Variants in ERI1 observed in about 807,000 individuals in gnomAD.
The protein encoded by ERI1 is 3'-5' exoribonuclease 1.
In ERI1, 39 loss-of-function variants were observed where a neutral mutation model predicts 39.7. The ratio of observed to expected loss-of-function variants is 0.98; its 90% CI spans 0.76 to 1.28. The LOEUF (loss-of-function observed/expected upper bound fraction) is 1.28. Ranked by LOEUF, ERI1 falls within the 50% of genes most tolerant of loss-of-function variation. The probability of loss-of-function intolerance (pLI) is 0.00; values close to 1 mark genes in which losing one functional copy is unlikely to be tolerated. For synonymous variants in ERI1, 204 were observed against 149.6 expected, an observed-to-expected ratio of 1.36 and a Z score of -2.65; for missense variants, 581 against 416.9, an observed-to-expected ratio of 1.39 and a Z score of -3.43.
At chr8:9,016,055 T>G (rs1817242219) in intron 3 of ERI1, among the ~76,000 whole-genome samples, 1 of 152,218 alleles carries the variant, frequency 6.6e-6, no homozygotes, top group Admixed American at 6.5e-5. Context: ...TATTAATATT[T>G]TGTTCCTCAG....
chr8:9,012,074 C>A (rs937832244), intron 3 of ERI1, among the ~76,000 whole-genome samples: 2 of 152,208 alleles, frequency 1.3e-5, no homozygotes, highest in African/African-American at 2.4e-5. Context: ...GGCCCTAGTC[C>A]CAGAGATTCT....
chr8:9,079,556 A>G (rs943929771), intron 3 of ERI1, among the ~76,000 whole-genome samples: 5 of 152,242 alleles, frequency 3.3e-5, no homozygotes, highest in Admixed American at 6.5e-5. Context: ...GTCGATCTAA[A>G]AGAAAGAAGC....
chr8:9,047,568 G>A (rs369061448), intron 3 of ERI1, among the ~76,000 whole-genome samples: 57 of 152,124 alleles, frequency 3.7e-4, no homozygotes, highest in African/African-American at 1.2e-3. Flanking sequence ...GTACACAGGT[G>A]CATATCTGCA....
At position 9,042,807 on chromosome 8, in the gene ERI1, G is replaced by A. The variant is rs908696860; in HGVS notation, n.299+22343G>A. ...CAACGAATAAATATCAATATAATAC[G>A]GATATTCCAAGATCTGAGAAGATTC... On this transcript the variant is annotated intron_variant and non_coding_transcript_variant, in intron 3 of 3. Transcript: ENST00000518663. Among the ~76,000 whole-genome samples the A allele has an allele frequency of 3.3e-5, 5 of 152,072 alleles. No individual in the cohort carries two copies. The East Asian group carries it at 7.7e-4, about 23-fold the overall frequency.
In ERI1 at chr8:9,096,374, G is replaced by C. The variant is rs145200413; in HGVS notation, n.300-19974G>C. Among the ~76,000 whole-genome samples, 85 of 152,256 alleles carry C rather than the reference G, an allele frequency of 5.6e-4. No individual in the cohort carries two copies. In the East Asian group the frequency reaches 0.011, roughly 19 times the overall value. ...TGGCCTCAAAACAAGGGGTGTCTGAGGACACCTACCCTTGGTTCTTCATCA... is the reference window on the plus strand; with the variant it reads ...TGGCCTCAAAACAAGGGGTGTCTGACGACACCTACCCTTGGTTCTTCATCA... On this transcript the variant is annotated intron_variant and non_coding_transcript_variant, in intron 3 of 3. Coordinates refer to the ERI1 transcript ENST00000518663.
At position 9,029,951 on chromosome 8, in the gene ERI1, C is replaced by T; in HGVS notation, c.967C>T (p.His323Tyr). 2 of 1,614,092 alleles carry T rather than the reference C, an allele frequency of 1.2e-6. No individual in the cohort carries two copies. The highest frequency in any genetic ancestry group is 1.7e-6 in the Non-Finnish European group (2 of 1,180,006). The change falls in exon 7 of 7, where the codon CAT (histidine) becomes TAT (tyrosine). Residue 323 changes from histidine (H) to tyrosine (Y), a missense_variant. His to Tyr is a moderately conservative substitution (Grantham distance 83). Coordinates refer to ENST00000250263, the MANE Select transcript of ERI1 (RefSeq NM_153332.4). Reference sequence around the variant, plus strand: ...TGAACTCCGAATCAACGAGAAAATGCATGCAGGACAGCTAATGAGTGTGTC... The same window carrying T: ...TGAACTCCGAATCAACGAGAAAATGTATGCAGGACAGCTAATGAGTGTGTC... The part of the protein sequence containing the change: ...GCELRINEKM[H>Y]AGQLMSVSSS...
At chr8:9,020,735 A>G (rs1390727660) in intron 6 of ERI1, among the ~76,000 whole-genome samples, 1 of 152,136 alleles carries the variant, frequency 6.6e-6, no homozygotes, top group Non-Finnish European at 1.5e-5. Flanking sequence ...CATGGAGCAA[A>G]TGCTCCCCAC....
chr8:9,005,303 A>C (rs575943293), intron 1 of ERI1, among the ~76,000 whole-genome samples: 137 of 152,228 alleles, frequency 9.0e-4, no homozygotes, highest in African/African-American at 3.1e-3. Context: ...ATACAGAAAA[A>C]GTTTTATTTG....
chr8:9,012,415 C>T (rs533823959), intron 3 of ERI1, among the ~76,000 whole-genome samples: 1 of 152,214 alleles, frequency 6.6e-6, no homozygotes, highest in Non-Finnish European at 1.5e-5. Context: ...CCTAACATCT[C>T]AACTTTCCAA....
At chr8:9,094,307 G>C (rs1287848772) in intron 3 of ERI1, among the ~76,000 whole-genome samples, 1 of 152,158 alleles carries the variant, frequency 6.6e-6, no homozygotes, top group Non-Finnish European at 1.5e-5. Context: ...AAGGGGCAGA[G>C]GATCATGCCC....
rs546286087 is a variant in ERI1, at chr8:9,003,335, G to A, written c.108+164G>A. ...GCTCCCTGGCTTTATCCTCGGGTGGGTGTCTTGGAGCCCCCTCAGGGCCGA... is the reference window on the plus strand; with the variant it reads ...GCTCCCTGGCTTTATCCTCGGGTGGATGTCTTGGAGCCCCCTCAGGGCCGA... On this transcript the variant is annotated intron_variant, in intron 1 of 6. Coordinates refer to ENST00000250263, the MANE Select transcript of ERI1 (RefSeq NM_153332.4). 2.0e-5 allele frequency among the ~76,000 whole-genome samples: 3 copies of A among 152,350 alleles called. No individual in the cohort carries two copies. In the East Asian group the frequency reaches 5.8e-4, roughly 29 times the overall value.
intron 3 of ERI1, among the ~76,000 whole-genome samples, chr8:9,065,716 G>GCTGATTC (rs1554527987): frequency 7.2e-6 from 1 of 138,810 alleles, no homozygotes; most frequent in Non-Finnish European, 1.5e-5. Flanking sequence ...AAAAAAAAAG[G>GCTGATTC]CTGACTCCTG....
intron 3 of ERI1, among the ~76,000 whole-genome samples, chr8:9,061,127 A>T (rs1278103247): frequency 6.6e-6 from 1 of 152,182 alleles, no homozygotes. Flanking sequence ...TAGATGTGGA[A>T]GATACTATAG....
intron 3 of ERI1, among the ~76,000 whole-genome samples, chr8:9,067,893 A>G (rs1243139395): frequency 6.6e-6 from 1 of 151,840 alleles, no homozygotes; most frequent in African/African-American, 2.4e-5. Flanking sequence ...ATTTTGCCAT[A>G]CATATGAGCA....
Position 9,030,122 on chromosome 8 carries a change from C to A in ERI1, c.*88C>A. Reference sequence around the variant, plus strand: ...CATTGAATTAGTCCTGTAGTGCAAACTTTAAGCACCTTAAAACATTTAAAA... The same window carrying A: ...CATTGAATTAGTCCTGTAGTGCAAAATTTAAGCACCTTAAAACATTTAAAA... On this transcript the variant is annotated 3_prime_UTR_variant, in exon 7 of 7. Coordinates refer to ENST00000250263, the MANE Select transcript of ERI1 (RefSeq NM_153332.4). 6.7e-7 allele frequency: 1 copy of A among 1,500,326 alleles called. No homozygotes were observed. The allele number at this position is 1,500,326 out of a possible 1,614,324, so 92.9% of individuals were successfully genotyped here.
intron 6 of ERI1, among the ~76,000 whole-genome samples, chr8:9,026,474 C>T (rs1040928809): frequency 1.3e-5 from 2 of 152,078 alleles, no homozygotes; most frequent in South Asian, 2.1e-4. Context: ...TAAGTGGAGG[C>T]GTACAGTATT....
intron 3 of ERI1, among the ~76,000 whole-genome samples, chr8:9,078,352 A>G (rs1287441384): frequency 6.6e-6 from 1 of 151,902 alleles, no homozygotes; most frequent in Non-Finnish European, 1.5e-5. Flanking sequence ...TAGCTCATAC[A>G]GTATTTTTAC....
At chr8:9,023,891 C>T (rs1359671416) in intron 6 of ERI1, among the ~76,000 whole-genome samples, 2 of 148,772 alleles carry the variant, frequency 1.3e-5, no homozygotes, top group African/African-American at 5.0e-5. Context: ...CTCTGCCTCC[C>T]GGGTTCAAGC....
At chr8:9,090,697 T>C (rs1367128290) in intron 3 of ERI1, among the ~76,000 whole-genome samples, 4 of 152,196 alleles carry the variant, frequency 2.6e-5, no homozygotes, top group Admixed American at 2.0e-4. Context: ...CAGTTATAGA[T>C]TGTGCTTTAG....
Sources: allele counts gnomAD v4.1 joint callset (sites outside exome capture counted in the v4.1 genomes callset), GRCh38; gene constraint gnomAD v4.1.1; transcripts MANE v1.5; gene names NCBI Gene and HGNC (gene_info 2026-07-23, HGNC 2026-07-21).